Variants in GABRG2 observed in about 807,000 individuals in gnomAD.
The protein encoded by GABRG2 is gamma-aminobutyric acid receptor subunit gamma-2.
GABRG2 carries 16 observed loss-of-function variants against 56.4 expected under a neutral mutation model. The ratio of observed to expected loss-of-function variants is 0.28; its 90% CI spans 0.19 to 0.43. The LOEUF (loss-of-function observed/expected upper bound fraction) is 0.43. GABRG2 is among the 20% of genes least tolerant of loss of function. GABRG2 has a pLI of 1.00. For synonymous variants in GABRG2, 208 were observed against 205.5 expected (o/e 1.01, Z -0.10); for missense variants, 327 against 582.7 (o/e 0.56, Z 4.52).
chr5:162,078,134 A>G (rs1363372314), intron 1 of GABRG2, among the ~76,000 whole-genome samples: 1 of 151,980 alleles, frequency 6.6e-6, no homozygotes, highest in East Asian at 1.9e-4. Flanking sequence ...AAAACACCAT[A>G]GAATACATGG....
At chr5:162,070,287 T>A (rs1758568153) in intron 1 of GABRG2, among the ~76,000 whole-genome samples, 1 of 151,892 alleles carries the variant, frequency 6.6e-6, no homozygotes, top group Non-Finnish European at 1.5e-5. Context: ...GAGAATGGAG[T>A]CATTGCTGTT....
At chr5:162,152,186 C>G (rs923478186) in intron 9 of GABRG2, 8 of 184,454 alleles carry the variant, frequency 4.3e-5, no homozygotes, top group Non-Finnish European at 6.8e-5. Flanking sequence ...TGAACACTAC[C>G]TGTAAGTTCT....
chr5:162,079,250 T>G (rs1306747212), intron 1 of GABRG2, among the ~76,000 whole-genome samples: 3 of 152,154 alleles, frequency 2.0e-5, no homozygotes, highest in Non-Finnish European at 4.4e-5. Flanking sequence ...AGCATCACAG[T>G]AAATTCTAGA....
chr5:162,114,293 C>A (rs1458651806), intron 6 of GABRG2, among the ~76,000 whole-genome samples: 1 of 152,018 alleles, frequency 6.6e-6, no homozygotes, highest in Non-Finnish European at 1.5e-5. Context: ...TCTTGAGTTA[C>A]TGTTTTCATA....
chr5:162,101,112 C>T, intron 4 of GABRG2, 123 bp from the exon 5 acceptor site: 1 of 729,770 alleles, frequency 1.4e-6, no homozygotes, highest in Non-Finnish European at 2.4e-6. Flanking sequence ...CATTGGGGAT[C>T]ACTCTGTGTT....
chr5:162,067,919 T>G lies in GABRG2; in HGVS notation c.-81T>G. ...GGTGGGGGGAGCCACCATCAGATCA[T>G]AAGCATAAGAATAATACAAAGGGGA... On this transcript the variant is annotated 5_prime_UTR_variant, in exon 1 of 10. Transcript: ENST00000639213. The G allele has an allele frequency of 1.0e-6, 1 of 979,394 alleles. No homozygotes were observed. Among genetic ancestry groups the G allele is most frequent in the Non-Finnish European group, 1.6e-6 (1 of 616,860 alleles). 60.7% of individuals were successfully genotyped at this position (979,394 alleles called of 1,614,324 possible).
intron 6 of GABRG2, among the ~76,000 whole-genome samples, chr5:162,115,601 G>A (rs1047664733): frequency 3.3e-5 from 5 of 152,030 alleles, no homozygotes; most frequent in African/African-American, 1.2e-4. Context: ...AAATTACTGT[G>A]AATGAGAAAT....
Position 162,143,262 on chromosome 5 carries a change from G to A in GABRG2, c.922+946G>A, listed in dbSNP as rs116176336. Among the ~76,000 whole-genome samples, 657 of 152,216 alleles carry A rather than the reference G, an allele frequency of 4.3e-3. 7 individuals carry two copies. The highest frequency in any genetic ancestry group is 0.015 in the African/African-American group (632 of 41,536). On this transcript the variant is annotated intron_variant, in intron 7 of 9. Transcript: ENST00000639213. ...CCATTGGCTGTTGGCTATTCCCCAC[G>A]AGTAATTATTGGGATAACATTTGAA... is the stretch of plus-strand genomic sequence containing the variant.
In GABRG2 at chr5:162,082,296, G is replaced by C. The variant is rs1759729678; in HGVS notation, c.108-11532G>C. Among the ~76,000 whole-genome samples the C allele has an allele frequency of 2.0e-5, 3 of 151,690 alleles. No homozygotes were observed. The South Asian group carries it at 6.2e-4, about 31-fold the overall frequency. On this transcript the variant is annotated intron_variant, in intron 1 of 9. Transcript: ENST00000639213. The stretch of plus-strand genomic sequence containing the variant: ...GCCAGAAAAGACAGTACTTTATCTT[G>C]TTATTTCATTAAGGCACTCTCATTT...
intron 6 of GABRG2, among the ~76,000 whole-genome samples, chr5:162,120,783 A>G (rs983890494): frequency 6.6e-6 from 1 of 152,154 alleles, no homozygotes; most frequent in Non-Finnish European, 1.5e-5. Context: ...AAAGCACTAT[A>G]TAACTTTACA....
chr5:162,081,290 A>ATATT (rs1445200851), intron 1 of GABRG2, among the ~76,000 whole-genome samples: 13 of 152,194 alleles, frequency 8.5e-5, no homozygotes, highest in African/African-American at 3.1e-4. Context: ...ATGGCAGAGA[A>ATATT]TATTTTTTAA....
At chr5:162,134,151 C>A (rs1432418988) in intron 6 of GABRG2, among the ~76,000 whole-genome samples, 1 of 151,532 alleles carries the variant, frequency 6.6e-6, no homozygotes, top group Non-Finnish European at 1.5e-5. Flanking sequence ...AACACAGAGG[C>A]TATTTTCTAC....
At chr5:162,145,243 A>G (rs1414562470) in intron 7 of GABRG2, among the ~76,000 whole-genome samples, 1 of 152,128 alleles carries the variant, frequency 6.6e-6, no homozygotes, top group East Asian at 1.9e-4. Flanking sequence ...GAGCATATAA[A>G]AGTGAATGTA....
chr5:162,076,906 T>C (rs1340599522), intron 1 of GABRG2, among the ~76,000 whole-genome samples: 1 of 151,946 alleles, frequency 6.6e-6, no homozygotes, highest in African/African-American at 2.4e-5. Context: ...AAAATACCTT[T>C]CTGAATATGT....
chr5:162,140,867 C>T (rs753109684), intron 6 of GABRG2, among the ~76,000 whole-genome samples: 2 of 152,080 alleles, frequency 1.3e-5, no homozygotes, highest in African/African-American at 4.8e-5. Context: ...AAATGAATGA[C>T]GTGAAATTTT....
In GABRG2 at chr5:162,087,923, C is replaced by CA. The variant is rs559697166; in HGVS notation, c.108-5897dup. 2.4e-4 allele frequency among the ~76,000 whole-genome samples: 36 copies of CA among 151,850 alleles called. No individual in the cohort carries two copies. In the East Asian group the frequency reaches 5.8e-3, roughly 24 times the overall value. The stretch of plus-strand genomic sequence containing the variant: ...ACACCAACAGCTGTTAGCCTAATAT[C>CA]AAAAAAAATTAAACAGGATGTGAGG... On this transcript the variant is annotated intron_variant, in intron 1 of 9. Coordinates refer to ENST00000639213, the MANE Select transcript of GABRG2 (RefSeq NM_198904.4).
chr5:162,095,504 C>T lies in GABRG2; in HGVS notation c.269C>T (p.Thr90Met), dbSNP rs1057520498. ...KLRPDIGVKPTLIHTDMYVNS... is the reference protein window; with the variant it reads ...KLRPDIGVKPMLIHTDMYVNS... ...ATGTTTCTCTTTACAGTGAAGCCAA[C>T]GTTAATTCACACAGACATGTATGTG... Residue 90 changes from threonine (T) to methionine (M), a missense_variant, in exon 3 of 10, where the codon ACG becomes ATG. Transcript: ENST00000639213. The T allele has an allele frequency of 2.5e-6, 4 of 1,604,476 alleles. No individual in the cohort carries two copies. The highest frequency in any genetic ancestry group is 3.4e-6 in the Non-Finnish European group (4 of 1,172,048).
intron 6 of GABRG2, among the ~76,000 whole-genome samples, chr5:162,105,824 C>CACAG (rs995507216): frequency 6.6e-6 from 1 of 150,936 alleles, no homozygotes; most frequent in African/African-American, 2.4e-5. Context: ...TACACACACA[C>CACAG]ACACACACAC....
chr5:162,140,075 A>G (rs1278635339), intron 6 of GABRG2, among the ~76,000 whole-genome samples: 1 of 152,236 alleles, frequency 6.6e-6, no homozygotes, highest in African/African-American at 2.4e-5. Context: ...ATGGCTTTAA[A>G]TAGCTTATGT....
Sources: gnomAD v4.1 joint callset for allele counts (sites outside exome capture counted in the v4.1 genomes callset) on GRCh38, gnomAD v4.1.1 for gene constraint, MANE v1.5 for transcripts, NCBI Gene and HGNC (gene_info 2026-07-23, HGNC 2026-07-21) for gene names.